DIP2C: variants seen among roughly 807,000 people sequenced by gnomAD.
DIP2C encodes DIP2 acetate--CoA ligase C (putative).
In DIP2C, 33 loss-of-function variants were observed where a neutral mutation model predicts 192.4. The observed-to-expected ratio is 0.17, with a 90% CI of 0.13 to 0.23. The LOEUF is 0.23. DIP2C is among the 10% of genes least tolerant of loss of function. The pLI is 1.00. For synonymous variants in DIP2C, 979 were observed against 864.1 expected (o/e 1.13, Z -2.33); for missense variants, 1,537 against 2,110.1 (o/e 0.73, Z 5.32).
intron 32 of DIP2C, among the ~76,000 whole-genome samples, chr10:299,328 C>A (rs553307256): frequency 6.6e-6 from 1 of 152,222 alleles, no homozygotes; most frequent in African/African-American, 2.4e-5. Flanking sequence ...CCAGTAATGT[C>A]CCTACAGCTC....
rs909822174 is a variant in DIP2C at position 560,685 on chromosome 10, C to T, written c.86-74155G>A. On this transcript the variant is annotated intron_variant, in intron 1 of 36. Coordinates refer to ENST00000280886, the MANE Select transcript of DIP2C (RefSeq NM_014974.3). ...CACGGGCTATCATCCACAGAAACAA[C>T]GTAATCACTTTCTGGTTGTAAAAGC... 3.3e-5 allele frequency among the ~76,000 whole-genome samples: 5 copies of T among 152,184 alleles called. No individual in the cohort carries two copies. In the East Asian group the frequency reaches 5.8e-4, roughly 18 times the overall value.
intron 31 of DIP2C, among the ~76,000 whole-genome samples, chr10:314,834 C>G (rs950349189): frequency 2.0e-5 from 3 of 152,222 alleles, no homozygotes; most frequent in Non-Finnish European, 4.4e-5. Context: ...TAATCACCTT[C>G]TAAAGGCCTC....
chr10:551,533 G>T (rs1180635398), intron 1 of DIP2C, among the ~76,000 whole-genome samples: 5 of 152,104 alleles, frequency 3.3e-5, no homozygotes, highest in Non-Finnish European at 4.4e-5. Context: ...AGGAGGCCTC[G>T]GTGCACAAAC....
At chr10:293,983 T>C (rs1224854055) in intron 32 of DIP2C, among the ~76,000 whole-genome samples, 1 of 152,176 alleles carries the variant, frequency 6.6e-6, no homozygotes, top group Non-Finnish European at 1.5e-5. Context: ...GAGGAATGTT[T>C]TCATCTAACC....
chr10:535,113 G>A (rs929963851), intron 1 of DIP2C, among the ~76,000 whole-genome samples: 26 of 152,262 alleles, frequency 1.7e-4, no homozygotes, highest in Non-Finnish European at 1.0e-4. Flanking sequence ...TTCAGCACCC[G>A]GGTTTGCAGG....
At chr10:640,593 G>A (rs567035453) in intron 1 of DIP2C, among the ~76,000 whole-genome samples, 1 of 152,134 alleles carries the variant, frequency 6.6e-6, no homozygotes, top group African/African-American at 2.4e-5. Context: ...ACGAGGGTGC[G>A]TGCCGGGACG....
intron 1 of DIP2C, among the ~76,000 whole-genome samples, chr10:687,979 CG>C (rs1333271454): frequency 6.6e-6 from 1 of 152,186 alleles, no homozygotes; most frequent in Non-Finnish European, 1.5e-5. Context: ...ACAGCGAACA[CG>C]GAGGGTGCTG....
chr10:467,884 A>G (rs188032735), intron 3 of DIP2C, among the ~76,000 whole-genome samples: 235 of 152,334 alleles, frequency 1.5e-3, no homozygotes, highest in African/African-American at 5.5e-3. Flanking sequence ...GCAAAGCACC[A>G]TGGCACATGT....
intron 1 of DIP2C, among the ~76,000 whole-genome samples, chr10:615,704 C>T (rs1375753354): frequency 6.6e-6 from 1 of 152,192 alleles, no homozygotes; most frequent in African/African-American, 2.4e-5. Flanking sequence ...ATCCATGCCT[C>T]ATCCATGGCA....
intron 1 of DIP2C, among the ~76,000 whole-genome samples, chr10:605,949 C>T (rs1470203551): frequency 6.6e-6 from 1 of 152,184 alleles, no homozygotes; most frequent in Admixed American, 6.5e-5. Context: ...CCTGCTGGGC[C>T]CATCTGAAAG....
At chr10:585,241 A>C (rs1483205760) in intron 1 of DIP2C, among the ~76,000 whole-genome samples, 1 of 152,102 alleles carries the variant, frequency 6.6e-6, no homozygotes, top group Non-Finnish European at 1.5e-5. Context: ...AGCGTTCCCC[A>C]TCCCACGCCA....
intron 1 of DIP2C, among the ~76,000 whole-genome samples, chr10:642,030 GGAAA>G (rs753304909): frequency 6.6e-6 from 1 of 151,930 alleles, no homozygotes; most frequent in Non-Finnish European, 1.5e-5. Context: ...ATCAAAAAAA[GGAAA>G]GAAAGAAAGA....
In DIP2C at chr10:633,433, C is replaced by T. The variant is rs549150385; in HGVS notation, c.85+56061G>A. Reference sequence around the variant, plus strand: ...GGGAGTCCGAGGCGGTGCTGCAGAGCGGACGCGGGGAGTCCGAGGTGGTGC... The same window carrying T: ...GGGAGTCCGAGGCGGTGCTGCAGAGTGGACGCGGGGAGTCCGAGGTGGTGC... On this transcript the variant is annotated intron_variant, in intron 1 of 36. Coordinates refer to ENST00000280886, the MANE Select transcript of DIP2C (RefSeq NM_014974.3). Among the ~76,000 whole-genome samples, 6 of 152,178 alleles carry T rather than the reference C, an allele frequency of 3.9e-5. No homozygotes were observed. In the East Asian group the frequency reaches 9.7e-4, roughly 25 times the overall value.
intron 26 of DIP2C, 98 bp from the exon 27 acceptor site, chr10:345,208 A>C: frequency 3.5e-6 from 4 of 1,151,444 alleles, no homozygotes; most frequent in Non-Finnish European, 5.0e-6. Context: ...CACTAAAACC[A>C]TGTAGCTTTA....
chr10:517,454 G>C (rs1049437053), intron 1 of DIP2C, among the ~76,000 whole-genome samples: 10 of 152,126 alleles, frequency 6.6e-5, no homozygotes, highest in African/African-American at 2.4e-4. Context: ...ACACTGTCCT[G>C]GTGTCTGAAA....
At chr10:332,308 C>A (rs986084448) in intron 29 of DIP2C, among the ~76,000 whole-genome samples, 1 of 152,232 alleles carries the variant, frequency 6.6e-6, no homozygotes, top group African/African-American at 2.4e-5. Flanking sequence ...TGTCAGCACA[C>A]AACGGGCTTG....
chr10:388,641 G>A (rs912670282), intron 13 of DIP2C, among the ~76,000 whole-genome samples: 26 of 152,320 alleles, frequency 1.7e-4, no homozygotes, highest in South Asian at 1.2e-3. Context: ...GGGGCAGTGC[G>A]TCCCCAGGTG....
At chr10:645,230 A>T (rs897580) in intron 1 of DIP2C, among the ~76,000 whole-genome samples, 13 of 152,204 alleles carry the variant, frequency 8.5e-5, no homozygotes, top group East Asian at 3.8e-4. Flanking sequence ...TCCAGAGCTG[A>T]GTCTCCAGAA....
At position 390,722 on chromosome 10, in the gene DIP2C, G is replaced by A. The variant is rs761761668; in HGVS notation, c.1384+18C>T. On this transcript the variant is annotated intron_variant, in intron 11 of 36. Coordinates refer to ENST00000280886, the MANE Select transcript of DIP2C (RefSeq NM_014974.3). Reference sequence around the variant, plus strand: ...AAAGGACGTGGGCATGCGAGCTCTCGGAGGCTCGGTGGCTTACCTTTAAAC... The same window carrying A: ...AAAGGACGTGGGCATGCGAGCTCTCAGAGGCTCGGTGGCTTACCTTTAAAC... 32 of 1,609,324 alleles carry A rather than the reference G, an allele frequency of 2.0e-5. 1 individual carries two copies. The highest frequency in any genetic ancestry group is 1.2e-4 in the Admixed American group (7 of 59,038).
Sources: allele counts gnomAD v4.1 joint callset (sites outside exome capture counted in the v4.1 genomes callset), GRCh38; gene constraint gnomAD v4.1.1; transcripts MANE v1.5; gene names NCBI Gene and HGNC (gene_info 2026-07-23, HGNC 2026-07-21).